GLI2: variants seen among roughly 807,000 people sequenced by gnomAD.
GLI2 encodes the protein transcription activator GLI2.
Under a neutral mutation model 78.9 loss-of-function variants are expected in GLI2, and 22 were observed. The ratio of observed to expected loss-of-function variants is 0.28; its 90% confidence interval spans 0.20 to 0.40. The LOEUF (loss-of-function observed/expected upper bound fraction) is 0.40, where lower values mean the gene tolerates loss of function less well. Among genes scored for constraint, GLI2 ranks in the 10% least tolerant of loss-of-function variants. The probability of loss-of-function intolerance (pLI) is 1.00; values close to 1 mark genes in which losing one functional copy is unlikely to be tolerated. For missense variants in GLI2, 2,097 were observed against 2,213.2 expected (o/e 0.95, Z 1.05); for synonymous variants, 974 against 963.7 (o/e 1.01, Z -0.20).
chr2:120,858,365 C>T (rs567125758), intron 2 of GLI2, among the ~76,000 whole-genome samples: 1 of 152,236 alleles, frequency 6.6e-6, no homozygotes, highest in South Asian at 2.1e-4. Context: ...TCCCCATGCC[C>T]CCGCCATGTC....
At chr2:120,780,970 G>A (rs1259274698) in intron 1 of GLI2, among the ~76,000 whole-genome samples, 1 of 152,184 alleles carries the variant, frequency 6.6e-6, no homozygotes, top group African/African-American at 2.4e-5. Context: ...CTGTGAGCTG[G>A]CTCACCCCTC....
chr2:120,786,245 C>T (rs1285482834), intron 1 of GLI2, among the ~76,000 whole-genome samples: 1 of 152,234 alleles, frequency 6.6e-6, no homozygotes, highest in Non-Finnish European at 1.5e-5. Context: ...TGCCCAGAGT[C>T]CTGCCAACCA....
chr2:120,872,150 C>T (rs531334036), intron 2 of GLI2, among the ~76,000 whole-genome samples: 8 of 152,300 alleles, frequency 5.3e-5, no homozygotes, highest in African/African-American at 1.2e-4. Context: ...AGTGACCTCA[C>T]GCTGTGACAC....
In GLI2 at chr2:120,742,679, T is replaced by TAAAAAAAA. The variant is rs10522388; in HGVS notation, c.-31+6396_-31+6403dup. ...CATAATTCAGTTGTTAGGATGACTT[T>TAAAAAAAA]AAAAAAAAAGGAAAGAGGGAAAGAG... On this transcript the variant is annotated intron_variant, in intron 1 of 13. Coordinates refer to ENST00000361492, the MANE Select transcript of GLI2 (RefSeq NM_001374353.1). 3.3e-3 allele frequency among the ~76,000 whole-genome samples: 462 copies of TAAAAAAAA among 140,672 alleles called. 3 individuals are homozygous for TAAAAAAAA. Among genetic ancestry groups the TAAAAAAAA allele is most frequent in the Non-Finnish European group, 4.1e-3 (269 of 66,294 alleles). The allele number at this position is 140,672 out of a possible 152,430, so 92.3% of individuals were successfully genotyped here.
At chr2:120,793,169 C>T (rs924708965) in intron 1 of GLI2, among the ~76,000 whole-genome samples, 1 of 152,242 alleles carries the variant, frequency 6.6e-6, no homozygotes, top group Non-Finnish European at 1.5e-5. Flanking sequence ...AACCTCCTAA[C>T]GGACAGGGGG....
At chr2:120,933,846 G>GCCCTGCCCTGCCCTGCCCTGC (rs1452679003) in intron 3 of GLI2, among the ~76,000 whole-genome samples, 50 of 32,830 alleles carry the variant, frequency 1.5e-3, no homozygotes, top group Non-Finnish European at 2.1e-3. Context: ...TTCCAGCCCT[G>GCCCTGCCCTGCCCTGCCCTGC]CCCTGCCCTG....
intron 2 of GLI2, among the ~76,000 whole-genome samples, chr2:120,806,569 A>C (rs1225560051): frequency 6.6e-6 from 1 of 151,844 alleles, no homozygotes; most frequent in Non-Finnish European, 1.5e-5. Flanking sequence ...GGGAGGGAGG[A>C]CTGGGCGCCA....
At chr2:120,960,432 C>T (rs1169141374) in intron 5 of GLI2, among the ~76,000 whole-genome samples, 1 of 152,200 alleles carries the variant, frequency 6.6e-6, no homozygotes, top group Non-Finnish European at 1.5e-5. Context: ...TCCTGCAGGG[C>T]CTTGTCCCCA....
At chr2:120,785,589 C>G (rs948279203) in intron 1 of GLI2, among the ~76,000 whole-genome samples, 1 of 152,188 alleles carries the variant, frequency 6.6e-6, no homozygotes, top group South Asian at 2.1e-4. Flanking sequence ...AGCTACCACC[C>G]TGGATCTGCA....
chr2:120,896,683 TCA>T (rs1324702723), intron 2 of GLI2, among the ~76,000 whole-genome samples: 1 of 89,980 alleles, frequency 1.1e-5, no homozygotes, highest in African/African-American at 4.3e-5. Context: ...CCCCACACAC[TCA>T]CACACACCCA....
chr2:120,910,459 T>A (rs1678760589), intron 2 of GLI2, among the ~76,000 whole-genome samples: 2 of 152,200 alleles, frequency 1.3e-5, no homozygotes, highest in Admixed American at 6.5e-5. Flanking sequence ...AATTACTTAA[T>A]CTTGACAAAC....
At chr2:120,804,513 G>A (rs1684854283) in intron 2 of GLI2, among the ~76,000 whole-genome samples, 1 of 152,252 alleles carries the variant, frequency 6.6e-6, no homozygotes, top group South Asian at 2.1e-4. Flanking sequence ...TGGCCAGCAG[G>A]GAGCTGAGTG....
intron 8 of GLI2, among the ~76,000 whole-genome samples, chr2:120,973,978 G>A (rs1682323193): frequency 6.6e-6 from 1 of 152,204 alleles, no homozygotes; most frequent in African/African-American, 2.4e-5. Flanking sequence ...CGGAGCCAGT[G>A]GGGGTTAGGC....
At chr2:120,869,403 C>T (rs992252907) in intron 2 of GLI2, among the ~76,000 whole-genome samples, 6 of 152,264 alleles carry the variant, frequency 3.9e-5, no homozygotes, top group Middle Eastern at 6.8e-3. Flanking sequence ...TTTTTTTCCC[C>T]TAGCTAGCCC....
intron 10 of GLI2, among the ~76,000 whole-genome samples, chr2:120,979,693 G>C (rs1179192719): frequency 6.6e-6 from 1 of 152,088 alleles, no homozygotes; most frequent in Non-Finnish European, 1.5e-5. Flanking sequence ...GTTAATTTCA[G>C]AACATTTTCA....
intron 9 of GLI2, among the ~76,000 whole-genome samples, chr2:120,977,193 A>T (rs1034022375): frequency 4.6e-5 from 7 of 152,192 alleles, no homozygotes; most frequent in African/African-American, 1.7e-4. Flanking sequence ...TTTTGGTGGC[A>T]GAGTTCCACA....
intron 1 of GLI2, among the ~76,000 whole-genome samples, chr2:120,749,455 T>C (rs1682800420): frequency 6.6e-6 from 1 of 152,166 alleles, no homozygotes; most frequent in African/African-American, 2.4e-5. Context: ...CTTATGCCCT[T>C]TGGAGAGATC....
intron 2 of GLI2, among the ~76,000 whole-genome samples, chr2:120,851,591 A>G (rs1194209361): frequency 2.6e-5 from 4 of 152,200 alleles, no homozygotes; most frequent in Non-Finnish European, 5.9e-5. Flanking sequence ...CCTGGCTGGT[A>G]CTGAACTGGA....
chr2:120,788,762 A>T (rs1299910072), intron 1 of GLI2, among the ~76,000 whole-genome samples: 2 of 152,136 alleles, frequency 1.3e-5, no homozygotes, highest in African/African-American at 2.4e-5. Flanking sequence ...ACCTGCTAGG[A>T]TGGGGATTTT....
Sources: allele counts gnomAD v4.1 joint callset (sites outside exome capture counted in the v4.1 genomes callset), GRCh38; gene constraint gnomAD v4.1.1; transcripts MANE v1.5; gene names NCBI Gene and HGNC (gene_info 2026-07-23, HGNC 2026-07-21).